Variants in SSH2 observed in about 807,000 individuals in gnomAD.
The protein encoded by SSH2 is protein phosphatase Slingshot homolog 2.
In SSH2, 37 loss-of-function variants were observed where a neutral mutation model predicts 135.2. That is an observed-to-expected ratio of 0.27 (90% confidence interval 0.21 to 0.36). The LOEUF (loss-of-function observed/expected upper bound fraction) is 0.36, where lower values mean the gene tolerates loss of function less well. SSH2 is among the 10% of genes least tolerant of loss of function. The pLI, the probability that SSH2 is intolerant of heterozygous loss-of-function variation, is 1.00. For synonymous variants in SSH2, 628 were observed against 646.2 expected (o/e 0.97, Z 0.43); for missense variants, 1,408 against 1,765.3 (o/e 0.80, Z 3.63).
intron 1 of SSH2, among the ~76,000 whole-genome samples, chr17:29,876,223 T>C (rs920618876): frequency 6.8e-6 from 1 of 146,394 alleles, no homozygotes; most frequent in Non-Finnish European, 1.5e-5. Flanking sequence ...GGAGGAATCA[T>C]ATTACCTGAC....
intron 2 of SSH2, among the ~76,000 whole-genome samples, chr17:29,819,911 G>C (rs1444459419): frequency 6.6e-6 from 1 of 152,102 alleles, no homozygotes; most frequent in Admixed American, 6.5e-5. Context: ...TCAATGTTGA[G>C]TTCATAAATA....
In SSH2 at chr17:29,632,358, G is replaced by C. The variant is rs373694045; in HGVS notation, c.2836C>G (p.Pro946Ala). Reference protein sequence around the residue: ...APKGKSDEAPPEHSFVLKEPE... With the variant: ...APKGKSDEAPAEHSFVLKEPE... ...TCCTTGAGGACAAATGAATGTTCTG[G>C]GGGGGCTTCATCACTTTTCCCTTTT... The change falls in exon 16 of 16, where the codon CCA becomes GCA. Residue 946 changes from proline (P) to alanine (A), a missense_variant. Coordinates refer to ENST00000540801, the MANE Select transcript of SSH2 (RefSeq NM_001282129.2). The C allele has an allele frequency of 1.9e-6, 3 of 1,613,940 alleles. No individual in the cohort carries two copies. The highest frequency in any genetic ancestry group is 2.2e-5 in the East Asian group (1 of 44,886).
chr17:29,910,471 C>T (rs1006624465), intron 1 of SSH2, among the ~76,000 whole-genome samples: 2 of 152,048 alleles, frequency 1.3e-5, no homozygotes, highest in Non-Finnish European at 2.9e-5. Context: ...AACTGAATTC[C>T]CAAAATAACA....
chr17:29,742,963 ACT>A (rs2040620414), intron 3 of SSH2, among the ~76,000 whole-genome samples: 1 of 150,064 alleles, frequency 6.7e-6, no homozygotes, highest in Admixed American at 6.7e-5. Flanking sequence ...ACACAGTCTC[ACT>A]CTGTCGTCCA....
chr17:29,708,589 CAAAAAAAAAAA>C (rs61012646), intron 3 of SSH2, among the ~76,000 whole-genome samples: 1 of 98,928 alleles, frequency 1.0e-5, no homozygotes, highest in Non-Finnish European at 2.1e-5. Context: ...AACTCTGCTT[CAAAAAAAAAAA>C]AAAAAAACAA....
At chr17:29,695,066 T>C (rs1291562115) in intron 5 of SSH2, among the ~76,000 whole-genome samples, 1 of 152,140 alleles carries the variant, frequency 6.6e-6, no homozygotes, top group Non-Finnish European at 1.5e-5. Flanking sequence ...GCATCAATCT[T>C]TGGCCATTTC....
At chr17:29,901,281 TAA>T (rs572227472) in intron 1 of SSH2, among the ~76,000 whole-genome samples, 1 of 147,760 alleles carries the variant, frequency 6.8e-6, no homozygotes, top group African/African-American at 2.5e-5. Flanking sequence ...AGTATAATAA[TAA>T]AAAAAAAACA....
At chr17:29,685,965 C>T (rs1187815938) in intron 5 of SSH2, among the ~76,000 whole-genome samples, 1 of 151,198 alleles carries the variant, frequency 6.6e-6, no homozygotes, top group Non-Finnish European at 1.5e-5. Flanking sequence ...TCTCCTGCCT[C>T]AGCCTCCCGA....
chr17:29,693,850 C>T (rs2038599543), intron 5 of SSH2, among the ~76,000 whole-genome samples: 1 of 152,082 alleles, frequency 6.6e-6, no homozygotes, highest in African/African-American at 2.4e-5. Flanking sequence ...TGATCTTTTC[C>T]TCCTCTCTAT....
intron 3 of SSH2, among the ~76,000 whole-genome samples, chr17:29,763,596 T>C (rs565880610): frequency 2.6e-5 from 4 of 152,108 alleles, no homozygotes; most frequent in Middle Eastern, 3.4e-3. Flanking sequence ...AAGTCAACAC[T>C]AAATGATGCC....
intron 4 of SSH2, among the ~76,000 whole-genome samples, chr17:29,702,337 AGTGAG>A (rs2039016449): frequency 7.6e-6 from 1 of 132,248 alleles, no homozygotes; most frequent in East Asian, 2.3e-4. Flanking sequence ...TGGGTGACAG[AGTGAG>A]AGTCTGTCTC....
At chr17:29,673,832 T>C (rs545202860) in intron 8 of SSH2, 69 of 314,666 alleles carry the variant, frequency 2.2e-4, no homozygotes, top group African/African-American at 1.5e-3. Context: ...CATCTTTCCA[T>C]GTCAAATATT....
intron 9 of SSH2, among the ~76,000 whole-genome samples, chr17:29,671,622 C>A (rs946162806): frequency 6.6e-6 from 1 of 152,198 alleles, no homozygotes; most frequent in Non-Finnish European, 1.5e-5. Flanking sequence ...TCAGATAATG[C>A]AAACTCAAAC....
intron 1 of SSH2, among the ~76,000 whole-genome samples, chr17:29,877,224 G>A (rs575026249): frequency 6.6e-6 from 1 of 152,186 alleles, no homozygotes; most frequent in East Asian, 1.9e-4. Context: ...AGACAATAAT[G>A]AATGCTGGTG....
intron 2 of SSH2, among the ~76,000 whole-genome samples, chr17:29,839,600 A>G (rs967000327): frequency 3.9e-5 from 6 of 152,208 alleles, no homozygotes; most frequent in Admixed American, 3.3e-4. Flanking sequence ...CAACTCTGGC[A>G]CACAATCACC....
At chr17:29,650,896 A>C (rs2036556469) in intron 12 of SSH2, 96 bp from the exon 13 acceptor site, 1 of 983,558 alleles carries the variant, frequency 1.0e-6, no homozygotes, top group Non-Finnish European at 1.4e-6. Flanking sequence ...TTTATTCCAT[A>C]GACTGAAATT....
Position 29,702,913 on chromosome 17 carries a change from A to G in SSH2, c.292+46T>C, listed in dbSNP as rs778565628. 5 of 1,396,464 alleles carry G rather than the reference A, an allele frequency of 3.6e-6. No homozygotes were observed. The South Asian group carries it at 4.6e-5, about 13-fold the overall frequency. 86.5% of individuals were successfully genotyped at this position (1,396,464 alleles called of 1,614,324 possible). A position where few individuals can be genotyped will look rare whatever the true frequency, so the allele number is the denominator to read the frequency against. Reference sequence around the variant, plus strand: ...GTAGTCAACCTTTTAGAATGTAACAAAAGATATAGTTACCAAGAAAGAAAT... The same window carrying G: ...GTAGTCAACCTTTTAGAATGTAACAGAAGATATAGTTACCAAGAAAGAAAT... On this transcript the variant is annotated intron_variant, in intron 4 of 15. Transcript: ENST00000540801.
At chr17:29,688,098 C>T (rs1295136750) in intron 5 of SSH2, among the ~76,000 whole-genome samples, 1 of 151,310 alleles carries the variant, frequency 6.6e-6, no homozygotes, top group Non-Finnish European at 1.5e-5. Context: ...GCAACCCCCG[C>T]CCCCCGGGTT....
At chr17:29,702,681 C>T (rs985093352) in intron 4 of SSH2, among the ~76,000 whole-genome samples, 1 of 152,016 alleles carries the variant, frequency 6.6e-6, no homozygotes, top group Non-Finnish European at 1.5e-5. Flanking sequence ...ACAAAACAAC[C>T]CCAATCTTAA....
Sources: allele counts gnomAD v4.1 joint callset (sites outside exome capture counted in the v4.1 genomes callset), GRCh38; gene constraint gnomAD v4.1.1; transcripts MANE v1.5; gene names NCBI Gene and HGNC (gene_info 2026-07-23, HGNC 2026-07-21).